SNX29: variants seen among roughly 807,000 people sequenced by gnomAD.
SNX29 encodes sorting nexin-29.
Under a neutral mutation model 102.1 loss-of-function variants are expected in SNX29, and 78 were observed. The ratio of observed to expected loss-of-function variants is 0.76; its 90% CI spans 0.64 to 0.92. SNX29 has a LOEUF of 0.92. Among genes scored for constraint, SNX29 ranks in the 40% least tolerant of loss-of-function variants. The pLI is 0.00. For synonymous variants in SNX29, 580 were observed against 414.5 expected, an observed-to-expected ratio of 1.40 and a Z score of -4.85; for missense variants, 1,280 against 1,061.7, an observed-to-expected ratio of 1.21 and a Z score of -2.86.
intron 5 of SNX29, among the ~76,000 whole-genome samples, chr16:12,045,194 A>G (rs535089878): frequency 1.3e-5 from 2 of 152,242 alleles, no homozygotes; most frequent in Non-Finnish European, 2.9e-5. Context: ...CTGGGGAAGT[A>G]TATTGGAAAT....
At chr16:12,506,775 A>G (rs2089398604) in intron 19 of SNX29, among the ~76,000 whole-genome samples, 1 of 152,190 alleles carries the variant, frequency 6.6e-6, no homozygotes, top group African/African-American at 2.4e-5. Flanking sequence ...AGGAGGTGGA[A>G]TCTGTCTGCC....
At chr16:12,562,194 CAG>C (rs1039533774) in intron 20 of SNX29, among the ~76,000 whole-genome samples, 71 of 152,296 alleles carry the variant, frequency 4.7e-4, no homozygotes, top group African/African-American at 1.7e-3. Context: ...ATAGGGTTCA[CAG>C]AGGAGTGAAC....
At chr16:12,258,328 G>A (rs188193777) in intron 14 of SNX29, among the ~76,000 whole-genome samples, 2 of 152,076 alleles carry the variant, frequency 1.3e-5, no homozygotes, top group Admixed American at 6.6e-5. Context: ...GAAGTCCCGC[G>A]TTCCCATGTC....
intron 6 of SNX29, among the ~76,000 whole-genome samples, chr16:12,047,452 C>T (rs2050133298): frequency 6.6e-6 from 1 of 152,122 alleles, no homozygotes; most frequent in African/African-American, 2.4e-5. Context: ...CTTTGTAGAT[C>T]ATAAGATGCC....
intron 18 of SNX29, among the ~76,000 whole-genome samples, chr16:12,433,173 A>G (rs139765066): frequency 6.6e-6 from 1 of 152,314 alleles, no homozygotes; most frequent in East Asian, 1.9e-4. Flanking sequence ...ACATTTGTCT[A>G]CATCTTGGTT....
chr16:12,010,315 C>G (rs1434525555), intron 3 of SNX29, among the ~76,000 whole-genome samples: 1 of 152,154 alleles, frequency 6.6e-6, no homozygotes, highest in African/African-American at 2.4e-5. Context: ...AGGTATTCAT[C>G]TGCATTTAGA....
chr16:12,124,873 G>T (rs13333662), intron 11 of SNX29, among the ~76,000 whole-genome samples: 1 of 152,032 alleles, frequency 6.6e-6, no homozygotes, highest in African/African-American at 2.4e-5. Flanking sequence ...GCCTTTCAGC[G>T]GTAGGAGAGG....
intron 20 of SNX29, among the ~76,000 whole-genome samples, chr16:12,530,304 C>G (rs1433037850): frequency 6.6e-6 from 1 of 152,112 alleles, no homozygotes; most frequent in Non-Finnish European, 1.5e-5. Context: ...CTGTTTGTAC[C>G]AACAGACAGG....
chr16:12,304,606 T>C (rs1334648724), intron 15 of SNX29, among the ~76,000 whole-genome samples: 2 of 152,230 alleles, frequency 1.3e-5, no homozygotes, highest in African/African-American at 2.4e-5. Context: ...TTGGCCAGGC[T>C]GGTCTTGAAC....
At chr16:12,074,728 G>T (rs1316390693) in intron 10 of SNX29, among the ~76,000 whole-genome samples, 1 of 152,188 alleles carries the variant, frequency 6.6e-6, no homozygotes, top group Non-Finnish European at 1.5e-5. Flanking sequence ...CTAGATTGGG[G>T]ACGTTCTCCT....
At chr16:12,198,266 C>G (rs1190674493) in intron 13 of SNX29, among the ~76,000 whole-genome samples, 3 of 152,028 alleles carry the variant, frequency 2.0e-5, no homozygotes, top group Admixed American at 2.0e-4. Context: ...TTCAGACATT[C>G]ACACAAAAAT....
intron 20 of SNX29, among the ~76,000 whole-genome samples, chr16:12,547,686 C>A (rs371526513): frequency 6.6e-6 from 1 of 152,104 alleles, no homozygotes; most frequent in Non-Finnish European, 1.5e-5. Context: ...AAAACCTGGC[C>A]CCCGCGTTCC....
intron 20 of SNX29, among the ~76,000 whole-genome samples, chr16:12,536,022 C>G (rs1006189326): frequency 2.0e-5 from 3 of 152,138 alleles, no homozygotes; most frequent in African/African-American, 7.2e-5. Flanking sequence ...GGAGCTATCC[C>G]GTTCCTAATT....
At chr16:12,045,945 G>T (rs2050071540) in intron 5 of SNX29, among the ~76,000 whole-genome samples, 1 of 151,926 alleles carries the variant, frequency 6.6e-6, no homozygotes, top group South Asian at 2.1e-4. Flanking sequence ...TATATTAAAT[G>T]CCCTGGTTGA....
chr16:12,147,072 G>C (rs763879663), intron 13 of SNX29, among the ~76,000 whole-genome samples: 2 of 152,176 alleles, frequency 1.3e-5, no homozygotes. Flanking sequence ...TTTTGTTGAC[G>C]AACTCAACTT....
At chr16:12,414,001 G>A (rs1297055910) in intron 18 of SNX29, among the ~76,000 whole-genome samples, 1 of 152,180 alleles carries the variant, frequency 6.6e-6, no homozygotes, top group Non-Finnish European at 1.5e-5. Context: ...GCATCCTCCT[G>A]TAGATGCTAA....
intron 20 of SNX29, among the ~76,000 whole-genome samples, chr16:12,561,580 G>T (rs12924625): frequency 0.26 from 39,839 of 151,940 alleles, 5,830 homozygotes; most frequent in East Asian, 0.44. Context: ...TCCGATTAAT[G>T]TCAGCCGCAT....
intron 13 of SNX29, among the ~76,000 whole-genome samples, chr16:12,196,844 C>T (rs2076788733): frequency 6.6e-6 from 1 of 152,136 alleles, no homozygotes; most frequent in South Asian, 2.1e-4. Flanking sequence ...TGATCTCAAA[C>T]TCTTGGCCTC....
intron 14 of SNX29, among the ~76,000 whole-genome samples, chr16:12,243,725 G>A (rs2078179490): frequency 6.6e-6 from 1 of 152,184 alleles, no homozygotes. Flanking sequence ...TTGCAGGCCT[G>A]GTTCTACCCT....
Sources: gnomAD v4.1 joint callset for allele counts (sites outside exome capture counted in the v4.1 genomes callset) on GRCh38, gnomAD v4.1.1 for gene constraint, MANE v1.5 for transcripts, NCBI Gene and HGNC (gene_info 2026-07-23, HGNC 2026-07-21) for gene names.